The following SNX13 variants were observed in gnomAD, a reference collection of about 807,000 sequenced individuals.
SNX13 encodes sorting nexin-13.
A neutral mutation model predicts 133.6 loss-of-function variants in SNX13; 45 were observed. The ratio of observed to expected loss-of-function variants is 0.34; its 90% CI spans 0.27 to 0.43. SNX13 has a LOEUF of 0.43. SNX13 is among the 20% of genes least tolerant of loss of function. SNX13 has a pLI of 1.00. For missense variants in SNX13, 1,032 were observed against 1,145.1 expected (o/e 0.90, Z 1.43); for synonymous variants, 414 against 373.9 (o/e 1.11, Z -1.24).
chr7:17,893,553 T>C (rs1035440850), intron 2 of SNX13, 119 bp from the exon 3 acceptor site: 11 of 643,258 alleles, frequency 1.7e-5, no homozygotes, highest in African/African-American at 3.7e-5. Context: ...AAAAAGTCAA[T>C]TTGTGACTTT....
intron 9 of SNX13, among the ~76,000 whole-genome samples, chr7:17,851,268 A>G (rs896487091): frequency 2.3e-4 from 35 of 152,238 alleles, no homozygotes; most frequent in African/African-American, 6.3e-4. Flanking sequence ...AGATATGGTC[A>G]GCAGCAATGG....
chr7:17,833,300 T>C (rs915323121), intron 15 of SNX13, among the ~76,000 whole-genome samples: 1 of 151,692 alleles, frequency 6.6e-6, no homozygotes, highest in Non-Finnish European at 1.5e-5. Context: ...TTGATACTTG[T>C]GTTTTACTTT....
Position 17,798,772 on chromosome 7 carries a change from A to C in SNX13, c.2445-14T>G. On this transcript the variant is annotated splice_polypyrimidine_tract_variant and intron_variant, in intron 23 of 25. Coordinates refer to ENST00000428135, the MANE Select transcript of SNX13 (RefSeq NM_015132.5). ...TCAACTATTTTTCTGAAAGTAAATT[A>C]ATGTAAATGAGGAAGGTTAAAATTT... 1 of 1,532,004 alleles carries C rather than the reference A, an allele frequency of 6.5e-7. No individual in the cohort carries two copies. The highest frequency in any genetic ancestry group is 8.8e-7 in the Non-Finnish European group (1 of 1,140,258). 94.9% of individuals were successfully genotyped at this position (1,532,004 alleles called of 1,614,324 possible).
At chr7:17,800,917 G>A (rs937269026) in intron 22 of SNX13, among the ~76,000 whole-genome samples, 3 of 150,274 alleles carry the variant, frequency 2.0e-5, no homozygotes, top group African/African-American at 7.3e-5. Flanking sequence ...CTGGCAGGAT[G>A]TAGAACACTG....
intron 9 of SNX13, among the ~76,000 whole-genome samples, chr7:17,853,681 C>T (rs183569595): frequency 2.6e-5 from 4 of 152,304 alleles, no homozygotes; most frequent in East Asian, 3.9e-4. Context: ...CAGTGGCTCA[C>T]GCCTGTAATC....
chr7:17,890,963 C>G lies in SNX13; in HGVS notation c.319-479G>C, dbSNP rs369524047. On this transcript the variant is annotated intron_variant, in intron 4 of 25. Transcript: ENST00000428135. Reference sequence around the variant, plus strand: ...GGAGTTCACTTATTTCTACTAATACCTTTGATACTGCCAACAGTATTCAGA... The same window carrying G: ...GGAGTTCACTTATTTCTACTAATACGTTTGATACTGCCAACAGTATTCAGA... Among the ~76,000 whole-genome samples the G allele has an allele frequency of 2.0e-5, 3 of 151,766 alleles. No individual in the cohort carries two copies. The East Asian group carries it at 5.8e-4, about 29-fold the overall frequency.
chr7:17,846,692 T>C (rs959448504), intron 11 of SNX13, among the ~76,000 whole-genome samples: 2 of 152,092 alleles, frequency 1.3e-5, no homozygotes, highest in Non-Finnish European at 2.9e-5. Context: ...TCCATCTCTA[T>C]AATTTGTATT....
chr7:17,858,844 C>A (rs1468027327), intron 9 of SNX13, among the ~76,000 whole-genome samples: 1 of 151,884 alleles, frequency 6.6e-6, no homozygotes, highest in Non-Finnish European at 1.5e-5. Flanking sequence ...TAGTAAGGTG[C>A]CAAGGAAATT....
At chr7:17,868,761 T>C (rs541428732) in intron 8 of SNX13, among the ~76,000 whole-genome samples, 18 of 152,090 alleles carry the variant, frequency 1.2e-4, no homozygotes, top group Non-Finnish European at 1.2e-4. Context: ...TATGTTAGCA[T>C]TGATGTCAAT....
intron 9 of SNX13, among the ~76,000 whole-genome samples, chr7:17,859,213 T>C (rs1336815829): frequency 6.6e-6 from 1 of 152,056 alleles, no homozygotes; most frequent in Non-Finnish European, 1.5e-5. Flanking sequence ...AGAACTTCTA[T>C]GTAGAATATA....
At chr7:17,805,248 T>TGTGTGTGTGTGC (rs1554304244) in intron 20 of SNX13, among the ~76,000 whole-genome samples, 1 of 89,322 alleles carries the variant, frequency 1.1e-5, no homozygotes, top group African/African-American at 3.5e-5. Context: ...TGTGTGTGTG[T>TGTGTGTGTGTGC]GTGCGTGCGC....
intron 23 of SNX13, 99 bp downstream of exon 23, chr7:17,798,910 A>G: frequency 7.1e-7 from 1 of 1,411,674 alleles, no homozygotes; most frequent in Non-Finnish European, 9.6e-7. Flanking sequence ...AGGCCCAGAG[A>G]AAAAAATTCT....
chr7:17,894,706 A>G (rs766052412), intron 2 of SNX13, among the ~76,000 whole-genome samples: 1 of 152,208 alleles, frequency 6.6e-6, no homozygotes, highest in Non-Finnish European at 1.5e-5. Context: ...ATCCATCAAA[A>G]AACATTTAAT....
At chr7:17,865,193 A>G (rs1793235366) in intron 9 of SNX13, among the ~76,000 whole-genome samples, 1 of 152,236 alleles carries the variant, frequency 6.6e-6, no homozygotes, top group South Asian at 2.1e-4. Context: ...GTACACAGAC[A>G]ACTACAGAAT....
intron 5 of SNX13, chr7:17,889,568 A>C (rs1478531389): frequency 6.6e-6 from 1 of 152,204 alleles, no homozygotes; most frequent in African/African-American, 2.4e-5. Context: ...TTTCTAGAAC[A>C]CAAGTATTCC....
intron 13 of SNX13, among the ~76,000 whole-genome samples, chr7:17,835,589 C>T (rs1421199820): frequency 1.3e-5 from 2 of 151,896 alleles, no homozygotes; most frequent in African/African-American, 4.8e-5. Context: ...TTCAGCACAT[C>T]AACTTTTGCA....
chr7:17,904,360 A>G (rs1378734651), intron 1 of SNX13, among the ~76,000 whole-genome samples: 2 of 152,238 alleles, frequency 1.3e-5, no homozygotes, highest in Admixed American at 6.5e-5. Flanking sequence ...AGACTGGTTC[A>G]GTAACTCTTC....
At chr7:17,933,800 G>GA (rs67821826) in intron 1 of SNX13, among the ~76,000 whole-genome samples, 80,044 of 142,366 alleles carry the variant, frequency 0.56, 23,069 homozygotes, top group Non-Finnish European at 0.65. Context: ...GGAATATACA[G>GA]AAAAAAAAAA....
intron 9 of SNX13, among the ~76,000 whole-genome samples, chr7:17,852,357 A>G (rs1259912841): frequency 2.0e-5 from 3 of 151,832 alleles, no homozygotes; most frequent in Non-Finnish European, 4.4e-5. Context: ...TGGGCGCCAG[A>G]GTGAGATTCC....
Sources: allele counts gnomAD v4.1 joint callset (sites outside exome capture counted in the v4.1 genomes callset), GRCh38; gene constraint gnomAD v4.1.1; transcripts MANE v1.5; gene names NCBI Gene and HGNC (gene_info 2026-07-23, HGNC 2026-07-21).